Variants in RIMS1 observed in about 807,000 individuals in gnomAD.
The protein encoded by RIMS1 is regulating synaptic membrane exocytosis protein 1.
Under a neutral mutation model 214.1 loss-of-function variants are expected in RIMS1, and 83 were observed. The ratio of observed to expected loss-of-function variants is 0.39; its 90% CI spans 0.32 to 0.47. RIMS1 has a LOEUF of 0.47. RIMS1 is among the 20% of genes least tolerant of loss of function. RIMS1 has a pLI of 0.99. For missense variants in RIMS1, 2,050 were observed against 2,161.8 expected (o/e 0.95, Z 1.03); for synonymous variants, 793 against 786.8 (o/e 1.01, Z -0.13).
Position 71,988,629 on chromosome 6 carries a change from A to C in RIMS1, c.245+19566A>C, listed in dbSNP as rs577136297. ...AAATTATGGTATTGCCCTGCTGTGA[A>C]ATTCTTGTTATTCTTAGGAGCTCCT... On this transcript the variant is annotated intron_variant, in intron 2 of 33. Coordinates refer to ENST00000521978, the MANE Select transcript of RIMS1 (RefSeq NM_014989.7). Among the ~76,000 whole-genome samples, 214 of 152,278 alleles carry C rather than the reference A, an allele frequency of 1.4e-3. 1 individual carries two copies. The highest frequency in any genetic ancestry group is 5.1e-3 in the African/African-American group (211 of 41,548).
At chr6:71,984,518 T>C (rs1317015326) in intron 2 of RIMS1, among the ~76,000 whole-genome samples, 4 of 152,222 alleles carry the variant, frequency 2.6e-5, no homozygotes, top group Non-Finnish European at 5.9e-5. Flanking sequence ...CCTCAACACG[T>C]TAAACCTTAG....
At chr6:71,957,636 C>T (rs1967687) in intron 1 of RIMS1, among the ~76,000 whole-genome samples, 68,155 of 149,926 alleles carry the variant, frequency 0.45, 16,847 homozygotes, top group Middle Eastern at 0.56. Flanking sequence ...CTGGAAGTGA[C>T]ACACTGAAGA....
chr6:72,354,233 A>G (rs1030558431), intron 29 of RIMS1, among the ~76,000 whole-genome samples: 1 of 138,010 alleles, frequency 7.2e-6, no homozygotes, highest in Non-Finnish European at 1.7e-5. Flanking sequence ...AAATAAATAA[A>G]CAAACAAACA....
intron 2 of RIMS1, among the ~76,000 whole-genome samples, chr6:72,075,335 T>A (rs1252230777): frequency 6.6e-6 from 1 of 152,172 alleles, no homozygotes; most frequent in Non-Finnish European, 1.5e-5. Flanking sequence ...TTTGAACTCC[T>A]GGGCTCAAAC....
intron 6 of RIMS1, among the ~76,000 whole-genome samples, chr6:72,221,712 A>G (rs909986059): frequency 1.3e-5 from 2 of 151,998 alleles, no homozygotes; most frequent in African/African-American, 2.4e-5. Context: ...TATTTATAGT[A>G]TACCTGTATA....
chr6:72,399,681 G>A (rs1298138438), intron 33 of RIMS1, among the ~76,000 whole-genome samples: 1 of 152,098 alleles, frequency 6.6e-6, no homozygotes, highest in East Asian at 1.9e-4. Flanking sequence ...TAAAGATTAT[G>A]TCTGAGATTC....
intron 29 of RIMS1, among the ~76,000 whole-genome samples, chr6:72,384,444 G>A (rs541032833): frequency 4.6e-5 from 7 of 152,230 alleles, no homozygotes; most frequent in Non-Finnish European, 8.8e-5. Flanking sequence ...CTGTGGTCAC[G>A]TCTATATTTT....
rs2079772495 is a variant in RIMS1, at chr6:72,264,988, C to T, written c.3130C>T (p.His1044Tyr). ...CLHTTRHLVR[H>Y]YKTLPPKMPL... is the part of the protein sequence containing the mutation. The stretch of plus-strand genomic sequence containing the variant: ...GCTACGTTCCAGACATCTTGTTAGG[C>T]ACTATAAAACATTACCTCCCAAGAT... Residue 1044 changes from histidine to tyrosine, a missense_variant, in exon 20 of 34, where the codon CAC becomes TAC. By Grantham distance (83) the His-to-Tyr change is moderately conservative (BLOSUM62 2). This residue lies in a region of RIMS1 where 889 missense variants were observed against 885.5 expected (regional missense o/e 1.00). Transcript: ENST00000521978. 1 of 1,590,738 alleles carries T rather than the reference C, an allele frequency of 6.3e-7. No individual in the cohort carries two copies. The highest frequency in any genetic ancestry group is 1.7e-4 in the Middle Eastern group (1 of 6,024).
intron 2 of RIMS1, among the ~76,000 whole-genome samples, chr6:72,073,000 T>C (rs1830934383): frequency 6.6e-6 from 1 of 152,172 alleles, no homozygotes; most frequent in Non-Finnish European, 1.5e-5. Flanking sequence ...TAAAACAATA[T>C]TTATTGTTTT....
At chr6:72,380,787 C>T (rs2098473475) in intron 29 of RIMS1, among the ~76,000 whole-genome samples, 1 of 152,076 alleles carries the variant, frequency 6.6e-6, no homozygotes, top group African/African-American at 2.4e-5. Context: ...CCACGTCGGC[C>T]TTCCAAAGTG....
At chr6:72,127,976 C>G (rs935979806) in intron 4 of RIMS1, among the ~76,000 whole-genome samples, 12 of 152,116 alleles carry the variant, frequency 7.9e-5, no homozygotes, top group Non-Finnish European at 1.5e-5. Context: ...ATAGTTTGCC[C>G]TAAATTGGTA....
At position 72,133,726 on chromosome 6, in the gene RIMS1, T is replaced by A. The variant is rs868563902; in HGVS notation, c.471+33740T>A. On this transcript the variant is annotated intron_variant, in intron 4 of 33. Transcript: ENST00000521978. The stretch of plus-strand genomic sequence containing the variant: ...TTTTTGTTTGTTTGTTCTTGGTCTA[T>A]GAGGCAGTCATAGCAACAACCTCCC... 3.9e-4 allele frequency among the ~76,000 whole-genome samples: 59 copies of A among 152,322 alleles called. 1 individual carries two copies. Among genetic ancestry groups the A allele is most frequent in the African/African-American group, 1.4e-3 (57 of 41,582 alleles).
intron 2 of RIMS1, among the ~76,000 whole-genome samples, chr6:72,052,954 A>G (rs377522443): frequency 5.9e-5 from 9 of 152,274 alleles, no homozygotes; most frequent in East Asian, 5.8e-4. Context: ...CACTAGTTCT[A>G]CTATGTTGGA....
chr6:72,099,573 A>G (rs1010811348), intron 3 of RIMS1, among the ~76,000 whole-genome samples: 1 of 152,174 alleles, frequency 6.6e-6, no homozygotes, highest in Non-Finnish European at 1.5e-5. Context: ...CAATATTTTA[A>G]CAATAATTTG....
At chr6:71,907,293 C>T (rs1296607968) in intron 1 of RIMS1, among the ~76,000 whole-genome samples, 1 of 152,076 alleles carries the variant, frequency 6.6e-6, no homozygotes, top group African/African-American at 2.4e-5. Flanking sequence ...TATGGTCTGT[C>T]TTCAATGGAA....
intron 2 of RIMS1, among the ~76,000 whole-genome samples, chr6:72,002,534 A>G (rs569866246): frequency 7.6e-4 from 116 of 152,284 alleles, no homozygotes; most frequent in Non-Finnish European, 1.1e-3. Flanking sequence ...AGACGCTGCC[A>G]CAGTGCTCCT....
chr6:72,164,254 G>A (rs1228739479), intron 4 of RIMS1, among the ~76,000 whole-genome samples: 1 of 152,094 alleles, frequency 6.6e-6, no homozygotes, highest in Non-Finnish European at 1.5e-5. Context: ...GCAGTATTAG[G>A]GTGGGAGTGA....
intron 4 of RIMS1, among the ~76,000 whole-genome samples, chr6:72,145,800 C>T (rs750160502): frequency 1.3e-5 from 2 of 152,010 alleles, no homozygotes; most frequent in Non-Finnish European, 2.9e-5. Flanking sequence ...AAACAAACAA[C>T]AACAAACAAA....
At chr6:72,144,006 A>C (rs1191013014) in intron 4 of RIMS1, among the ~76,000 whole-genome samples, 2 of 152,198 alleles carry the variant, frequency 1.3e-5, no homozygotes, top group Non-Finnish European at 2.9e-5. Flanking sequence ...CCTGGACCAC[A>C]GTATTTTGGG....
Sources: allele counts gnomAD v4.1 joint callset (sites outside exome capture counted in the v4.1 genomes callset), GRCh38; gene constraint gnomAD v4.1.1; regional missense constraint gnomAD v4.1.1; transcripts MANE v1.5; gene names NCBI Gene and HGNC (gene_info 2026-07-23, HGNC 2026-07-21).